Variants in KRT12 observed in about 807,000 individuals in gnomAD.
KRT12 encodes keratin 12, also known as keratin, type I cytoskeletal 12.
KRT12 carries 43 observed loss-of-function variants against 50.2 expected under a neutral mutation model. The ratio of observed to expected loss-of-function variants is 0.86; its 90% CI spans 0.67 to 1.11. KRT12 has a LOEUF of 1.11. Ranked by LOEUF, KRT12 falls within the 50% of genes least tolerant of loss-of-function variation. The pLI is 0.00. For missense variants in KRT12, 588 were observed against 625.6 expected, an observed-to-expected ratio of 0.94 and a Z score of 0.64; for synonymous variants, 257 against 253.6, an observed-to-expected ratio of 1.01 and a Z score of -0.13.
Position 40,862,636 on chromosome 17 carries a change from C to G in KRT12, c.1317-1G>C. 6.2e-7 allele frequency: 1 copy of G among 1,610,580 alleles called. No homozygotes were observed. The highest frequency in any genetic ancestry group is 8.5e-7 in the Non-Finnish European group (1 of 1,176,820). On this transcript the variant is annotated splice_acceptor_variant, in intron 6 of 7. Transcript: ENST00000251643. LOFTEE classifies it high-confidence loss of function. ...AAATAAACTTTCCTCCAAACCATCA[C>G]TGTAAGAAAACAAAGGAGATGACCT...
At chr17:40,861,957 T>C (rs1393891244) in intron 7 of KRT12, among the ~76,000 whole-genome samples, 199 bp from the exon 8 acceptor site, 1 of 152,244 alleles carries the variant, frequency 6.6e-6, no homozygotes, top group South Asian at 2.1e-4. Flanking sequence ...CTTGTACATA[T>C]ATGAAAACTT....
At chr17:40,866,084 C>T in intron 2 of KRT12, 71 bp downstream of exon 2, 1 of 1,163,504 alleles carries the variant, frequency 8.6e-7, no homozygotes, top group Non-Finnish European at 1.3e-6. Context: ...GATTTTATAT[C>T]AATGAAGGCA....
At position 40,863,447 on chromosome 17, in the gene KRT12, G is replaced by T. The variant is rs561749640; in HGVS notation, c.1095+38C>A. On this transcript the variant is annotated intron_variant, in intron 5 of 7. Coordinates refer to ENST00000251643, the MANE Select transcript of KRT12 (RefSeq NM_000223.4). This position sits in a 1 kb window ranked among gnomAD's most constrained non-coding sequence, Gnocchi z 4.2. The stretch of plus-strand genomic sequence containing the variant: ...TTTGGATGCAGCATTTTCTTTGGAA[G>T]TCCAAAGGATGCTACGTCTGTTTGC... The T allele has an allele frequency of 1.3e-4, 204 of 1,614,206 alleles. 2 individuals are homozygous for T. The South Asian group carries it at 2.1e-3, about 17-fold the overall frequency.
Position 40,866,819 on chromosome 17 carries a change from C to G in KRT12, c.368G>C (p.Gly123Ala), listed in dbSNP as rs758712817. Residue 123 changes from glycine (G) to alanine (A), a missense_variant, in exon 1 of 8, where the codon GGA becomes GCA. Transcript: ENST00000251643. Reference sequence around the variant, plus strand: ...ATTTTGCATAGTTTCTTTTTCTGATCCAGAAAGAAGGCCTCCATCATTGCC... The same window carrying G: ...ATTTTGCATAGTTTCTTTTTCTGATGCAGAAAGAAGGCCTCCATCATTGCC... ...LSGNDGGLLS[G>A]SEKETMQNLN... The G allele has an allele frequency of 2.5e-6, 4 of 1,614,114 alleles. No individual in the cohort carries two copies. Among genetic ancestry groups the G allele is most frequent in the Non-Finnish European group, 3.4e-6 (4 of 1,180,016 alleles).
At position 40,863,656 on chromosome 17, in the gene KRT12, C is replaced by T. The variant is rs1395653560; in HGVS notation, c.970-46G>A. On this transcript the variant is annotated intron_variant, in intron 4 of 7. Transcript: ENST00000251643. This position sits in a 1 kb window ranked among gnomAD's most constrained non-coding sequence, Gnocchi z 4.2. ...AGGGGGCTCGAGCGCTGAGCTCGTT[C>T]GCAGGCCTTTCTGTGAATGTATCAA... The T allele has an allele frequency of 2.5e-6, 4 of 1,614,222 alleles. No individual in the cohort carries two copies. The South Asian group carries it at 4.4e-5, about 18-fold the overall frequency.
At chr17:40,862,703 T>G (rs1001683072) in intron 6 of KRT12, 68 bp from the exon 7 acceptor site, 1 of 1,142,912 alleles carries the variant, frequency 8.7e-7, no homozygotes, top group South Asian at 1.2e-5. Context: ...AGATCTGGTC[T>G]GAGAAATTAG....
rs774858221 is a variant in KRT12, at chr17:40,864,973, A to AG, written c.651-12dup. ...AGTTCATTCTCATACCTGAAAACCA[A>AG]GTGCAAAGCAGTTGAGGGAATCAAC... On this transcript the variant is annotated splice_polypyrimidine_tract_variant and intron_variant, in intron 2 of 7. Transcript: ENST00000251643. The AG allele has an allele frequency of 6.2e-7, 1 of 1,614,224 alleles. No individual in the cohort carries two copies. Among genetic ancestry groups the AG allele is most frequent in the South Asian group, 1.1e-5 (1 of 91,088 alleles).
At position 40,861,625 on chromosome 17, in the gene KRT12, C is replaced by T. The variant is rs375337718; in HGVS notation, c.*36G>A. 6.2e-6 allele frequency: 8 copies of T among 1,296,322 alleles called. No individual in the cohort carries two copies. The highest frequency in any genetic ancestry group is 9.0e-6 in the Non-Finnish European group (8 of 889,934). 80.3% of individuals were successfully genotyped at this position (1,296,322 alleles called of 1,614,324 possible). On this transcript the variant is annotated 3_prime_UTR_variant, in exon 8 of 8. Transcript: ENST00000251643. ...ATTTCTACTTGTAAATTTCTTGTTC[C>T]TAAGGAACCAATCATGGGGCAGATC... is the stretch of plus-strand genomic sequence containing the variant.
rs1299126734 is a variant in KRT12, at chr17:40,862,632, A to G, written c.1320T>C (p.Asp440=). 2 of 1,611,200 alleles carry G rather than the reference A, an allele frequency of 1.2e-6. No homozygotes were observed. The highest frequency in any genetic ancestry group is 2.7e-5 in the African/African-American group (2 of 74,970). Residue 440 remains aspartate (D), a synonymous_variant, in exon 7 of 8, where the codon GAT becomes GAC. Coordinates refer to ENST00000251643, the MANE Select transcript of KRT12 (RefSeq NM_000223.4). ...RRLLDGEAQG[D]GLEESLFVTD... ...TCACAAATAAACTTTCCTCCAAACC[A>G]TCACTGTAAGAAAACAAAGGAGATG...
chr17:40,864,198 C>T (rs900084279), intron 3 of KRT12, among the ~76,000 whole-genome samples: 1 of 152,058 alleles, frequency 6.6e-6, no homozygotes, highest in Admixed American at 6.6e-5. Context: ...TGAGGGACCA[C>T]GACCTTCACG....
rs763049820 is a variant in KRT12, at chr17:40,867,015, A to C, written c.172T>G (p.Ser58Ala). The change falls in exon 1 of 8, where the codon TCT (serine) becomes GCT (alanine). Residue 58 changes from serine (S) to alanine (A), a missense_variant. Transcript: ENST00000251643. ...CTAGAACCAAACATGGAAGCAGCAG[A>C]AAAGCCTCCCCCACAGCTGGCTCCA... is the stretch of plus-strand genomic sequence containing the variant. Reference protein sequence around the residue: ...GFGASCGGGFSAASMFGSSSG... With the variant: ...GFGASCGGGFAAASMFGSSSG... The C allele has an allele frequency of 6.3e-7, 1 of 1,597,366 alleles. No individual in the cohort carries two copies. The highest frequency in any genetic ancestry group is 1.1e-5 in the South Asian group (1 of 88,450).
At chr17:40,862,674 C>G in intron 6 of KRT12, 39 bp from the exon 7 acceptor site, 2 of 1,432,050 alleles carry the variant, frequency 1.4e-6, no homozygotes, top group Non-Finnish European at 2.0e-6. Context: ...AAAAGTGAAA[C>G]AACCTGGCTT....
At chr17:40,862,358 C>T (rs1906833745) in intron 7 of KRT12, among the ~76,000 whole-genome samples, 1 of 152,180 alleles carries the variant, frequency 6.6e-6, no homozygotes, top group Non-Finnish European at 1.5e-5. Flanking sequence ...CAGGCATGAG[C>T]CACCATGCCC....
At position 40,866,627 on chromosome 17, in the gene KRT12, C is replaced by T. The variant is rs756116692; in HGVS notation, c.560G>A (p.Arg187Lys). Residue 187 changes from arginine to lysine, a missense_variant, in exon 1 of 8, where the codon AGG becomes AAG. Physicochemically the swap from Arg to Lys is conservative, Grantham distance 26. Transcript: ENST00000251643. ...SKYYPLIEDLRNKIISASIGN... is the reference protein window; with the variant it reads ...SKYYPLIEDLKNKIISASIGN... The stretch of plus-strand genomic sequence containing the variant: ...CTCCAAAAGAGATCTTACCTTATTC[C>T]TGAGGTCTTCAATCAGTGGATAATA... 2.5e-6 allele frequency: 4 copies of T among 1,613,630 alleles called. No individual in the cohort carries two copies. Among genetic ancestry groups the T allele is most frequent in the African/African-American group, 1.3e-5 (1 of 74,894 alleles).
Position 40,862,561 on chromosome 17 carries a change from A to C in KRT12, c.1387+4T>G, listed in dbSNP as rs779706793. 1.2e-6 allele frequency: 2 copies of C among 1,606,930 alleles called. No homozygotes were observed. The highest frequency in any genetic ancestry group is 1.1e-5 in the South Asian group (1 of 90,932). On this transcript the variant is annotated splice_donor_region_variant and intron_variant, in intron 7 of 7. Coordinates refer to ENST00000251643, the MANE Select transcript of KRT12 (RefSeq NM_000223.4). ...TTCTAAGTGATTCTAGGGTTTCTGCATACCTTTAGAGGAATCAGTTGACTG... is the reference window on the plus strand; with the variant it reads ...TTCTAAGTGATTCTAGGGTTTCTGCCTACCTTTAGAGGAATCAGTTGACTG...
rs1395653560 is a variant in KRT12 at position 40,863,656 on chromosome 17, C to A, written c.970-46G>T. The A allele has an allele frequency of 2.5e-6, 4 of 1,614,220 alleles. No individual in the cohort carries two copies. The highest frequency in any genetic ancestry group is 3.4e-6 in the Non-Finnish European group (4 of 1,180,052). On this transcript the variant is annotated intron_variant, in intron 4 of 7. Transcript: ENST00000251643. The surrounding 1 kb of genome is among the most constrained non-coding windows in gnomAD (Gnocchi z 4.2). ...AGGGGGCTCGAGCGCTGAGCTCGTT[C>A]GCAGGCCTTTCTGTGAATGTATCAA...
intron 3 of KRT12, among the ~76,000 whole-genome samples, 189 bp downstream of exon 3, chr17:40,864,617 A>G (rs916928): frequency 6.6e-6 from 1 of 151,648 alleles, no homozygotes. Context: ...ACTACTACCA[A>G]CACACACACA....
chr17:40,862,775 G>A (rs1020235951), intron 6 of KRT12, 140 bp from the exon 7 acceptor site: 10 of 735,720 alleles, frequency 1.4e-5, no homozygotes, highest in Middle Eastern at 2.3e-4. Context: ...CTTTTGGAAA[G>A]CTTGTTAGAG....
intron 7 of KRT12, among the ~76,000 whole-genome samples, 199 bp downstream of exon 7, chr17:40,862,366 C>T (rs1369196736): frequency 6.6e-6 from 1 of 152,170 alleles, no homozygotes; most frequent in Non-Finnish European, 1.5e-5. Flanking sequence ...AGCCACCATG[C>T]CCAGGCCCCC....
Sources: gnomAD v4.1 joint callset for allele counts (sites outside exome capture counted in the v4.1 genomes callset) on GRCh38, gnomAD v4.1.1 for gene constraint, Gnocchi (gnomAD v3.1) non-coding constraint, MANE v1.5 for transcripts, NCBI Gene and HGNC (gene_info 2026-07-23, HGNC 2026-07-21) for gene names.